The following CELF2 variants were observed in gnomAD, a reference collection of about 807,000 sequenced individuals.
The protein encoded by CELF2 is CUGBP Elav-like family member 2.
Under a neutral mutation model 62.6 loss-of-function variants are expected in CELF2, and 8 were observed. That is an observed-to-expected ratio of 0.13 (90% confidence interval 0.07 to 0.23). The LOEUF is 0.23. Ranked by LOEUF, CELF2 falls within the 10% of genes least tolerant of loss-of-function variation. The pLI is 1.00. For missense variants in CELF2, 333 were observed against 671.0 expected, an observed-to-expected ratio of 0.50 and a Z score of 5.56; for synonymous variants, 258 against 250.0, an observed-to-expected ratio of 1.03 and a Z score of -0.30.
the CELF2 span, among the ~76,000 whole-genome samples, chr10:10,619,969 G>A: frequency 1.3e-5 from 2 of 152,112 alleles, no homozygotes; most frequent in Non-Finnish European, 2.9e-5. Context: ...TGGCTTCTAC[G>A]GCTGAACCTT....
At chr10:10,735,357 C>T in the CELF2 span, among the ~76,000 whole-genome samples, 3 of 152,136 alleles carry the variant, frequency 2.0e-5, no homozygotes, top group Non-Finnish European at 1.5e-5. Context: ...TGCCATATTT[C>T]GTGGGCTATT....
At chr10:11,023,760 A>C (rs2058709032) in intron 1 of CELF2, among the ~76,000 whole-genome samples, 3 of 152,192 alleles carry the variant, frequency 2.0e-5, no homozygotes, top group Non-Finnish European at 4.4e-5. Flanking sequence ...ATGCCTTGTG[A>C]GCGTATTTGA....
chr10:10,506,670 A>ATTTTTTTTTTTTTTTTTTTTTTTTTTT, the CELF2 span, among the ~76,000 whole-genome samples: 1 of 64,556 alleles, frequency 1.5e-5, no homozygotes, highest in Non-Finnish European at 2.7e-5. Context: ...CCTCCTGTGA[A>ATTTTTTTTTTTTTTTTTTTTTTTTTTT]TTTTTTTTTT....
At chr10:11,052,608 C>T (rs2064176661) in intron 1 of CELF2, among the ~76,000 whole-genome samples, 2 of 152,358 alleles carry the variant, frequency 1.3e-5, no homozygotes, top group South Asian at 4.1e-4. Flanking sequence ...CTATACCTTT[C>T]TTTACATCCT....
At chr10:10,573,063 G>A in the CELF2 span, among the ~76,000 whole-genome samples, 1 of 152,128 alleles carries the variant, frequency 6.6e-6, no homozygotes. Flanking sequence ...TCTGACTGGT[G>A]TAGCTCATTG....
the CELF2 span, among the ~76,000 whole-genome samples, chr10:10,642,399 G>T: frequency 6.6e-6 from 1 of 152,206 alleles, no homozygotes; most frequent in Non-Finnish European, 1.5e-5. Flanking sequence ...CAGGCACAGA[G>T]TGTGGCATGG....
the CELF2 span, among the ~76,000 whole-genome samples, chr10:10,755,498 T>C: frequency 6.6e-6 from 1 of 152,196 alleles, no homozygotes; most frequent in Admixed American, 6.5e-5. Flanking sequence ...GCGCGCAGTC[T>C]CTATGGCTCT....
upstream of CELF2, among the ~76,000 whole-genome samples, chr10:10,796,119 G>A (rs2054125478): frequency 6.6e-6 from 1 of 152,204 alleles, no homozygotes; most frequent in South Asian, 2.1e-4. Flanking sequence ...AAGAAGTGCT[G>A]TGTGGCGGTT....
At chr10:11,133,905 A>G (rs2059995316) in intron 1 of CELF2, among the ~76,000 whole-genome samples, 1 of 152,190 alleles carries the variant, frequency 6.6e-6, no homozygotes, top group South Asian at 2.1e-4. Flanking sequence ...AGCTTAGCAG[A>G]TGTTAAGCAG....
intron 3 of CELF2, among the ~76,000 whole-genome samples, chr10:11,232,552 T>C (rs1215746923): frequency 6.6e-6 from 1 of 152,188 alleles, no homozygotes; most frequent in African/African-American, 2.4e-5. Flanking sequence ...TGGTAAAATC[T>C]ATGGCTCGGA....
At chr10:11,099,838 C>T (rs1465067064) in intron 1 of CELF2, among the ~76,000 whole-genome samples, 2 of 149,946 alleles carry the variant, frequency 1.3e-5, no homozygotes, top group Non-Finnish European at 2.9e-5. Flanking sequence ...ATAGTTACCC[C>T]TATTATTGGA....
intron 1 of CELF2, among the ~76,000 whole-genome samples, chr10:10,905,183 A>G (rs956708589): frequency 6.6e-6 from 1 of 152,242 alleles, no homozygotes; most frequent in Admixed American, 6.5e-5. Context: ...AAAATGATTA[A>G]AACATACTAC....
chr10:11,144,820 A>T (rs1445113352), intron 1 of CELF2, among the ~76,000 whole-genome samples: 2 of 140,030 alleles, frequency 1.4e-5, no homozygotes, highest in Non-Finnish European at 3.0e-5. Flanking sequence ...TGAGCTCAGG[A>T]GGTTGAGGCT....
chr10:10,776,056 C>A, the CELF2 span, among the ~76,000 whole-genome samples: 1 of 152,186 alleles, frequency 6.6e-6, no homozygotes, highest in East Asian at 1.9e-4. Context: ...TTAATAGAAA[C>A]CTCCACTTCA....
chr10:11,003,928 T>C (rs898232626), upstream of CELF2, among the ~76,000 whole-genome samples: 1 of 152,198 alleles, frequency 6.6e-6, no homozygotes, highest in African/African-American at 2.4e-5. This position sits in a 1 kb window ranked among gnomAD's most constrained non-coding sequence, Gnocchi z 4.4. Context: ...GCCTTCTTGT[T>C]GCCCTCTAGA....
chr10:10,483,822 T>C, the CELF2 span, among the ~76,000 whole-genome samples: 1 of 151,960 alleles, frequency 6.6e-6, no homozygotes, highest in Non-Finnish European at 1.5e-5. Flanking sequence ...GTTAAAAAAT[T>C]GTATTCCTCT....
In CELF2 at chr10:11,222,298, TATC is replaced by T. The variant is rs2065090173; in HGVS notation, c.354+4797_354+4799del. Among the ~76,000 whole-genome samples the T allele has an allele frequency of 3.3e-5, 5 of 152,360 alleles. No homozygotes were observed. The South Asian group carries it at 1.0e-3, about 32-fold the overall frequency. ...ATGCCTTTGTTCTCAGAGCCACGATTATCATCATTTTATCATTGTCATCATCAT... is the reference window on the plus strand; with the variant it reads ...ATGCCTTTGTTCTCAGAGCCACGATTATCATTTTATCATTGTCATCATCAT... On this transcript the variant is annotated intron_variant, in intron 3 of 12. Coordinates refer to ENST00000633077, the MANE Select transcript of CELF2 (RefSeq NM_001326342.2).
the CELF2 span, among the ~76,000 whole-genome samples, chr10:10,580,656 T>C: frequency 0.071 from 10,786 of 152,278 alleles, 573 homozygotes; most frequent in South Asian, 0.17. Flanking sequence ...TAATTATGAT[T>C]TTAAGAAACT....
chr10:11,131,147 T>C (rs2059565796), intron 1 of CELF2, among the ~76,000 whole-genome samples: 1 of 152,230 alleles, frequency 6.6e-6, no homozygotes, highest in Non-Finnish European at 1.5e-5. Flanking sequence ...TCAAAACACT[T>C]GGCAGGACAG....
Sources: allele counts gnomAD v4.1 joint callset (sites outside exome capture counted in the v4.1 genomes callset), GRCh38; gene constraint gnomAD v4.1.1; non-coding constraint Gnocchi (gnomAD v3.1); transcripts MANE v1.5; gene names NCBI Gene and HGNC (gene_info 2026-07-23, HGNC 2026-07-21).